JAKMIP3: variants seen among roughly 807,000 people sequenced by gnomAD.
JAKMIP3 encodes Janus kinase and microtubule interacting protein 3.
A neutral mutation model predicts 118.5 loss-of-function variants in JAKMIP3; 58 were observed. The ratio of observed to expected loss-of-function variants is 0.49; its 90% confidence interval spans 0.40 to 0.61. The LOEUF is 0.61. JAKMIP3 is among the 20% of genes least tolerant of loss of function. The pLI is 0.00. For synonymous variants in JAKMIP3, 486 were observed against 451.2 expected (o/e 1.08, Z -0.98); for missense variants, 950 against 1,109.0 (o/e 0.86, Z 2.04).
At chr10:132,129,075 G>A (rs529019247) in intron 3 of JAKMIP3, among the ~76,000 whole-genome samples, 9 of 152,230 alleles carry the variant, frequency 5.9e-5, no homozygotes, top group African/African-American at 1.4e-4. Context: ...GTGAGGCTGC[G>A]CATTATGTTA....
At chr10:132,061,492 C>T (rs546293795), upstream of JAKMIP3, among the ~76,000 whole-genome samples, 1 of 152,294 alleles carries the variant, frequency 6.6e-6, no homozygotes, top group South Asian at 2.1e-4. Flanking sequence ...ATTATAATTC[C>T]AATCAAAATT....
At chr10:132,129,063 T>C (rs1295132684) in intron 3 of JAKMIP3, among the ~76,000 whole-genome samples, 2 of 152,184 alleles carry the variant, frequency 1.3e-5, no homozygotes, top group Non-Finnish European at 2.9e-5. Context: ...GGGTGATGTG[T>C]TGTGAGGCTG....
intron 1 of JAKMIP3, among the ~76,000 whole-genome samples, chr10:132,053,830 C>G (rs983594803): frequency 1.3e-5 from 2 of 151,762 alleles, no homozygotes; most frequent in South Asian, 4.2e-4. Context: ...GTCAGGAGAT[C>G]GAGACCATCC....
intron 1 of JAKMIP3, among the ~76,000 whole-genome samples, chr10:132,038,237 T>G (rs7894548): frequency 0.45 from 68,056 of 151,928 alleles, 16,369 homozygotes; most frequent in Non-Finnish European, 0.54. Context: ...TGAAGAGGAC[T>G]GGTGGTGGGT....
chr10:132,153,748 T>A lies in JAKMIP3; in HGVS notation c.2074-11T>A. 1 of 1,612,802 alleles carries A rather than the reference T, an allele frequency of 6.2e-7. No individual in the cohort carries two copies. Among genetic ancestry groups the A allele is most frequent in the Non-Finnish European group, 8.5e-7 (1 of 1,179,582 alleles). On this transcript the variant is annotated splice_polypyrimidine_tract_variant and intron_variant, in intron 17 of 23. Coordinates refer to ENST00000684848, the MANE Select transcript of JAKMIP3 (RefSeq NM_001323087.2). ...AGGGGTCACTGTCCTGCTTGTTCTG[T>A]TTGTGTCCAGTGGCTCCAGCAGATT...
intron 2 of JAKMIP3, among the ~76,000 whole-genome samples, chr10:132,113,632 C>T (rs1427106069): frequency 2.0e-5 from 3 of 152,176 alleles, no homozygotes; most frequent in Admixed American, 1.3e-4. Context: ...AAAGAGATAG[C>T]GGGGCTTTGT....
At chr10:132,121,575 C>T (rs1206067094) in intron 3 of JAKMIP3, among the ~76,000 whole-genome samples, 2 of 152,166 alleles carry the variant, frequency 1.3e-5, no homozygotes, top group African/African-American at 2.4e-5. Context: ...TCTTTGCTCA[C>T]GGTCAGACAT....
chr10:132,073,035 G>A (rs1326319263), intron 1 of JAKMIP3, among the ~76,000 whole-genome samples: 3 of 152,144 alleles, frequency 2.0e-5, no homozygotes, highest in African/African-American at 2.4e-5. Flanking sequence ...ATTTCATTCA[G>A]GATAATAGCC....
chr10:132,137,306 C>CCCGCTTCCCCACGCCT lies in JAKMIP3; in HGVS notation c.1284+23_1284+38dup. 1 of 1,613,700 alleles carries CCCGCTTCCCCACGCCT rather than the reference C, an allele frequency of 6.2e-7. No homozygotes were observed. Among genetic ancestry groups the CCCGCTTCCCCACGCCT allele is most frequent in the South Asian group, 1.1e-5 (1 of 91,078 alleles). Reference sequence around the variant, plus strand: ...AGCGTGTTAGTAAGTATGGTCAGCGCCCGCTTCCCCACGCCTCCGCTCCCC... The same window carrying CCCGCTTCCCCACGCCT: ...AGCGTGTTAGTAAGTATGGTCAGCGCCCGCTTCCCCACGCCTCCGCTTCCCCACGCCTCCGCTCCCC... On this transcript the variant is annotated intron_variant, in intron 8 of 23. Transcript: ENST00000684848.
chr10:132,060,494 C>G (rs1301646674), upstream of JAKMIP3, among the ~76,000 whole-genome samples: 1 of 152,132 alleles, frequency 6.6e-6, no homozygotes, highest in Non-Finnish European at 1.5e-5. Flanking sequence ...AGGCTTTAAC[C>G]TGAGGAAGGG....
intron 1 of JAKMIP3, among the ~76,000 whole-genome samples, chr10:132,039,166 AAT>A: frequency 6.6e-6 from 1 of 152,280 alleles, no homozygotes; most frequent in East Asian, 1.9e-4. Context: ...ACATTTTTTT[AAT>A]AGAGACAAGA....
At chr10:132,180,742 C>CGTGTGCGTGTGTGTGT (rs1262889146) in intron 23 of JAKMIP3, among the ~76,000 whole-genome samples, 1 of 8,716 alleles carries the variant, frequency 1.1e-4, no homozygotes, top group Non-Finnish European at 2.2e-4. Flanking sequence ...TGTGTGCGTG[C>CGTGTGCGTGTGTGTGT]GTGCGCGCGC....
chr10:132,173,435 C>A (rs1034757126), intron 23 of JAKMIP3, among the ~76,000 whole-genome samples: 23 of 151,514 alleles, frequency 1.5e-4, no homozygotes, highest in African/African-American at 5.3e-4. Flanking sequence ...GATTGCTAAC[C>A]CAGACCCTGT....
chr10:132,143,901 C>G (rs1168765232), intron 11 of JAKMIP3: 1 of 152,284 alleles, frequency 6.6e-6, no homozygotes, highest in East Asian at 1.9e-4. Flanking sequence ...TAAGCATTCT[C>G]CAACCCAAGG....
intron 1 of JAKMIP3, among the ~76,000 whole-genome samples, chr10:132,086,097 A>G (rs541070780): frequency 2.0e-5 from 3 of 152,272 alleles, no homozygotes; most frequent in Admixed American, 2.0e-4. Context: ...TTAAATTTTC[A>G]TCTTGATTTC....
At chr10:132,123,481 T>C (rs1018274546) in intron 3 of JAKMIP3, among the ~76,000 whole-genome samples, 2 of 152,240 alleles carry the variant, frequency 1.3e-5, no homozygotes, top group Non-Finnish European at 2.9e-5. Flanking sequence ...AATGCTAATA[T>C]ACAGCAGTAA....
At chr10:132,162,756 G>GTGTATTTTGGCTGCTGGGTTATTA (rs11274586) in intron 19 of JAKMIP3, among the ~76,000 whole-genome samples, 60,551 of 150,156 alleles carry the variant, frequency 0.4, 14,209 homozygotes, top group Admixed American at 0.53. Context: ...ATGAAAAGGT[G>GTGTATTTTGGCTGCTGGGTTATTA]TGTATTTTGG....
At chr10:132,043,561 A>T (rs763130867) in intron 1 of JAKMIP3, among the ~76,000 whole-genome samples, 4 of 152,158 alleles carry the variant, frequency 2.6e-5, no homozygotes, top group Non-Finnish European at 5.9e-5. Flanking sequence ...TTAGTTTTTA[A>T]ATGTTTTTCA....
chr10:132,176,031 C>T (rs1189667831), intron 23 of JAKMIP3, among the ~76,000 whole-genome samples: 1 of 152,258 alleles, frequency 6.6e-6, no homozygotes, highest in African/African-American at 2.4e-5. Context: ...GAGTACTGCC[C>T]AGGCACTGCC....
Sources: allele counts gnomAD v4.1 joint callset (sites outside exome capture counted in the v4.1 genomes callset), GRCh38; gene constraint gnomAD v4.1.1; transcripts MANE v1.5; gene names NCBI Gene and HGNC (gene_info 2026-07-23, HGNC 2026-07-21).